Variants in NOL7 observed in about 807,000 individuals in gnomAD.
NOL7 encodes the protein nucleolar protein 7, also known as U3 small nucleolar RNA-associated protein NOL7.
In NOL7, 36 loss-of-function variants were observed where a neutral mutation model predicts 38.4. The ratio of observed to expected loss-of-function variants is 0.94; its 90% confidence interval spans 0.72 to 1.24. NOL7 has a LOEUF of 1.24. Ranked by LOEUF, NOL7 falls within the 50% of genes most tolerant of loss-of-function variation. NOL7 has a pLI of 0.00. For synonymous variants in NOL7, 142 were observed against 126.5 expected, an observed-to-expected ratio of 1.12 and a Z score of -0.82; for missense variants, 350 against 315.1, an observed-to-expected ratio of 1.11 and a Z score of -0.84.
intron 5 of NOL7, among the ~76,000 whole-genome samples, chr6:13,618,937 T>G (rs1418636706): frequency 6.6e-6 from 1 of 152,202 alleles, no homozygotes; most frequent in Admixed American, 6.6e-5. Flanking sequence ...AGTTGAACAC[T>G]TTGTCTTTGC....
chr6:13,619,341 T>C (rs1209202295), intron 5 of NOL7, among the ~76,000 whole-genome samples: 1 of 152,250 alleles, frequency 6.6e-6, no homozygotes, highest in African/African-American at 2.4e-5. Context: ...TACTGGAATT[T>C]TGGCCGATAC....
intron 8 of NOL7, among the ~76,000 whole-genome samples, chr6:13,628,133 T>C: frequency 6.6e-6 from 1 of 152,248 alleles, no homozygotes; most frequent in Non-Finnish European, 1.5e-5. Flanking sequence ...AAAGTTGTTA[T>C]CATGTCTATC....
chr6:13,618,151 T>C lies in NOL7; in HGVS notation c.500+12T>C. 2 of 1,433,686 alleles carry C rather than the reference T, an allele frequency of 1.4e-6. No homozygotes were observed. Among genetic ancestry groups the C allele is most frequent in the East Asian group, 4.6e-5 (2 of 43,954 alleles). The allele number at this position is 1,433,686 out of a possible 1,614,324, so 88.8% of individuals were successfully genotyped here. A position where few individuals can be genotyped will look rare whatever the true frequency, so the allele number is the denominator to read the frequency against. On this transcript the variant is annotated intron_variant, in intron 5 of 7. Transcript: ENST00000451315. ...GTACAGTCTGTCAGGTAATGAGTCT[T>C]TTGTTTCATTTGGGATGTAAAGGAG...
chr6:13,618,316 C>T (rs1051080343), intron 5 of NOL7, 177 bp downstream of exon 5: 5 of 200,498 alleles, frequency 2.5e-5, no homozygotes, highest in Admixed American at 6.1e-5. Context: ...GGCGCAATCT[C>T]GGCTCACTGC....
rs1764338346 is a variant in NOL7 at position 13,618,211 on chromosome 6, G to A, written c.500+72G>A. The A allele has an allele frequency of 9.5e-6, 5 of 525,944 alleles. No homozygotes were observed. In the East Asian group the frequency reaches 1.7e-4, roughly 18 times the overall value. The allele number at this position is 525,944 out of a possible 1,614,324, so 32.6% of individuals were successfully genotyped here. ...AGAGTTAAAGTATTGGCTAACATGG[G>A]AAAATATTTTATTTTATTTTATTTT... On this transcript the variant is annotated intron_variant, in intron 5 of 7. Transcript: ENST00000451315.
chr6:13,622,629 C>A, downstream of NOL7: 1 of 974,452 alleles, frequency 1.0e-6, no homozygotes, highest in Non-Finnish European at 1.4e-6. Flanking sequence ...ATGAAGGTTT[C>A]TAAGCAAAAG....
chr6:13,625,803 T>C (rs1463923633), downstream of NOL7: 1 of 1,375,986 alleles, frequency 7.3e-7, no homozygotes, highest in East Asian at 2.3e-5. Context: ...ATTCAAATAG[T>C]TCAACTATTA....
chr6:13,625,804 T>C (rs1267863730), downstream of NOL7: 3 of 1,356,732 alleles, frequency 2.2e-6, no homozygotes, highest in Non-Finnish European at 3.2e-6. Flanking sequence ...TTCAAATAGT[T>C]CAACTATTAT....
At chr6:13,629,920 T>G (rs150144108) in intron 8 of NOL7, among the ~76,000 whole-genome samples, 1,597 of 82,110 alleles carry the variant, frequency 0.019, 12 homozygotes, top group African/African-American at 0.046. Flanking sequence ...TCTCTCTCTC[T>G]CGTGTGTGTG....
At chr6:13,615,861 T>C in intron 2 of NOL7, 89 bp downstream of exon 2, 1 of 1,306,232 alleles carries the variant, frequency 7.7e-7, no homozygotes, top group South Asian at 1.4e-5. Flanking sequence ...GGCAGGATAT[T>C]GGAGTGGGGA....
At chr6:13,617,929 C>G (rs1764332394) in intron 4 of NOL7, 128 bp downstream of exon 4, 1 of 1,023,562 alleles carries the variant, frequency 9.8e-7, no homozygotes, top group East Asian at 2.4e-5. Flanking sequence ...GGGGCCTATT[C>G]CCTGTATTTC....
chr6:13,615,801 T>C (rs1584897459), intron 2 of NOL7, 29 bp downstream of exon 2: 1 of 1,594,066 alleles, frequency 6.3e-7, no homozygotes, highest in East Asian at 2.2e-5. Context: ...GGTGTCTTAT[T>C]AAAACAACTC....
downstream of NOL7, chr6:13,625,641 G>T: frequency 1.3e-6 from 2 of 1,555,694 alleles, no homozygotes; most frequent in Non-Finnish European, 8.9e-7. Flanking sequence ...TGCCTTATTT[G>T]GCTTTACTTA....
At chr6:13,630,299 C>T (rs1374603965) in intron 8 of NOL7, among the ~76,000 whole-genome samples, 2 of 152,164 alleles carry the variant, frequency 1.3e-5, no homozygotes, top group Non-Finnish European at 2.9e-5. Flanking sequence ...AAAGATGATA[C>T]ATCTTCACAC....
chr6:13,624,884 A>G (rs1764558044), downstream of NOL7, among the ~76,000 whole-genome samples: 1 of 152,206 alleles, frequency 6.6e-6, no homozygotes, highest in Non-Finnish European at 1.5e-5. Context: ...GGTACTCACA[A>G]GTCATCAGGA....
At chr6:13,620,519 GCTTTATATGTTGAATAATGTT>G (rs753549091) in intron 7 of NOL7, 34 bp downstream of exon 7, 127 of 1,562,524 alleles carry the variant, frequency 8.1e-5, no homozygotes, top group Non-Finnish European at 1.0e-4. Context: ...GTCTCTAATA[GCTTTATATGTTGAATAATGTT>G]CTTTTGAAGG....
At chr6:13,625,566 T>C, downstream of NOL7, 1 of 798,440 alleles carries the variant, frequency 1.3e-6, no homozygotes, top group Non-Finnish European at 2.0e-6. Flanking sequence ...CTGATGATTT[T>C]ACCAAAGTGT....
chr6:13,624,671 C>G (rs1345062696), downstream of NOL7, among the ~76,000 whole-genome samples: 1 of 152,152 alleles, frequency 6.6e-6, no homozygotes, highest in African/African-American at 2.4e-5. Flanking sequence ...TAATCACAAA[C>G]GCTACAGTGA....
At chr6:13,623,393 T>C (rs1302523645), downstream of NOL7, among the ~76,000 whole-genome samples, 1 of 152,028 alleles carries the variant, frequency 6.6e-6, no homozygotes, top group Non-Finnish European at 1.5e-5. Flanking sequence ...GAGGATGCAA[T>C]TTGATGGTGG....
Sources: gnomAD v4.1 joint callset for allele counts (sites outside exome capture counted in the v4.1 genomes callset) on GRCh38, gnomAD v4.1.1 for gene constraint, MANE v1.5 for transcripts, NCBI Gene and HGNC (gene_info 2026-07-23, HGNC 2026-07-21) for gene names.